LSAMP: variants seen among roughly 807,000 people sequenced by gnomAD.
The protein encoded by LSAMP is limbic system associated membrane protein, also known as limbic system-associated membrane protein.
A neutral mutation model predicts 38.6 loss-of-function variants in LSAMP; 7 were observed. The ratio of observed to expected loss-of-function variants is 0.18; its 90% confidence interval spans 0.10 to 0.34. The LOEUF is 0.34. LSAMP is among the 10% of genes least tolerant of loss of function. LSAMP has a pLI of 1.00. For missense variants in LSAMP, 313 were observed against 420.0 expected (o/e 0.75, Z 2.23); for synonymous variants, 154 against 166.8 (o/e 0.92, Z 0.59).
chr3:116,028,775 T>C (rs1940851810), intron 2 of LSAMP, among the ~76,000 whole-genome samples: 1 of 152,140 alleles, frequency 6.6e-6, no homozygotes, highest in African/African-American at 2.4e-5. Flanking sequence ...CTAGTTATAT[T>C]TTTGCAGACT....
At chr3:116,429,208 C>G (rs1192805710) in intron 1 of LSAMP, among the ~76,000 whole-genome samples, 1 of 152,150 alleles carries the variant, frequency 6.6e-6, no homozygotes, top group African/African-American at 2.4e-5. Flanking sequence ...TGGTTTCATA[C>G]TCTGATAATT....
intron 3 of LSAMP, among the ~76,000 whole-genome samples, chr3:115,914,186 C>T (rs1432994023): frequency 6.6e-6 from 1 of 152,150 alleles, no homozygotes; most frequent in Admixed American, 6.5e-5. Context: ...CTCCTCTGAG[C>T]CCTCTTTGCG....
chr3:116,344,806 C>G (rs1243932984), intron 1 of LSAMP, among the ~76,000 whole-genome samples: 1 of 152,122 alleles, frequency 6.6e-6, no homozygotes, highest in African/African-American at 2.4e-5. Context: ...CAGTCTAGCA[C>G]TGAGGTTCAA....
At chr3:116,080,618 C>T (rs1707851150) in intron 2 of LSAMP, among the ~76,000 whole-genome samples, 1 of 152,218 alleles carries the variant, frequency 6.6e-6, no homozygotes, top group Non-Finnish European at 1.5e-5. Flanking sequence ...TTCAGTTCTT[C>T]CCTTTCATTA....
intron 3 of LSAMP, among the ~76,000 whole-genome samples, chr3:115,916,583 C>G (rs1385523642): frequency 6.6e-6 from 1 of 152,164 alleles, no homozygotes; most frequent in African/African-American, 2.4e-5. Flanking sequence ...ATTTCATTCA[C>G]TCATTTATTC....
At chr3:116,137,649 C>T (rs1254848564) in intron 1 of LSAMP, among the ~76,000 whole-genome samples, 1 of 152,072 alleles carries the variant, frequency 6.6e-6, no homozygotes, top group Non-Finnish European at 1.5e-5. Flanking sequence ...CCCAGCTAAT[C>T]AATTTATTCT....
At chr3:116,052,031 G>A (rs919181846) in intron 2 of LSAMP, among the ~76,000 whole-genome samples, 4 of 152,198 alleles carry the variant, frequency 2.6e-5, no homozygotes, top group Non-Finnish European at 5.9e-5. Flanking sequence ...AAATTTAAAT[G>A]TAGAAAATTG....
intron 1 of LSAMP, among the ~76,000 whole-genome samples, chr3:116,294,602 G>T (rs543789073): frequency 4.6e-5 from 7 of 152,242 alleles, no homozygotes; most frequent in African/African-American, 1.7e-4. Flanking sequence ...ATAGTAATCA[G>T]TGTTTCCTAT....
intron 3 of LSAMP, among the ~76,000 whole-genome samples, chr3:115,970,637 T>G (rs956762372): frequency 2.0e-5 from 3 of 152,208 alleles, no homozygotes; most frequent in African/African-American, 7.2e-5. Flanking sequence ...AGACTTATTA[T>G]GTACATTTGA....
chr3:116,138,413 A>G (rs1322848290), intron 1 of LSAMP, among the ~76,000 whole-genome samples: 2 of 152,140 alleles, frequency 1.3e-5, no homozygotes, highest in Non-Finnish European at 2.9e-5. Flanking sequence ...TTAGGGAAAT[A>G]GTAGAAATAC....
chr3:116,014,359 T>A (rs1940417613), intron 3 of LSAMP, among the ~76,000 whole-genome samples: 1 of 152,160 alleles, frequency 6.6e-6, no homozygotes, highest in Admixed American at 6.5e-5. Flanking sequence ...GAGGTCAAGA[T>A]TAATCTGAGT....
chr3:116,226,109 A>T (rs963533064), intron 1 of LSAMP, among the ~76,000 whole-genome samples: 5 of 152,116 alleles, frequency 3.3e-5, no homozygotes, highest in African/African-American at 1.2e-4. Flanking sequence ...CCCAAATTCT[A>T]TTTCTAATTC....
chr3:116,143,952 A>C (rs1014582685), intron 1 of LSAMP, among the ~76,000 whole-genome samples: 2 of 151,978 alleles, frequency 1.3e-5, no homozygotes, highest in Non-Finnish European at 2.9e-5. Context: ...TTAGTGCCAT[A>C]CTAAAACATT....
At chr3:116,171,735 G>A (rs1055042965) in intron 1 of LSAMP, among the ~76,000 whole-genome samples, 1 of 152,060 alleles carries the variant, frequency 6.6e-6, no homozygotes, top group African/African-American at 2.4e-5. Context: ...ACCCTAGTAA[G>A]GTGAAGTTTT....
chr3:115,869,429 A>G (rs1935962598), intron 3 of LSAMP, among the ~76,000 whole-genome samples: 1 of 152,160 alleles, frequency 6.6e-6, no homozygotes, highest in Admixed American at 6.6e-5. Context: ...GACAACTGTT[A>G]TATGTCCAGC....
intron 1 of LSAMP, among the ~76,000 whole-genome samples, chr3:116,365,663 C>A (rs559792912): frequency 5.6e-5 from 3 of 53,502 alleles, no homozygotes; most frequent in Non-Finnish European, 9.3e-5. Flanking sequence ...CACATATACA[C>A]CATGGAATAC....
At chr3:116,310,057 T>C (rs1372648972) in intron 1 of LSAMP, among the ~76,000 whole-genome samples, 1 of 152,122 alleles carries the variant, frequency 6.6e-6, no homozygotes, top group Admixed American at 6.5e-5. Flanking sequence ...TAACTCTCAG[T>C]CCAACACACA....
At chr3:116,176,429 G>T (rs2107561983) in intron 1 of LSAMP, among the ~76,000 whole-genome samples, 1 of 152,216 alleles carries the variant, frequency 6.6e-6, no homozygotes, top group East Asian at 1.9e-4. Context: ...AGAGCAATTA[G>T]CACCATTCCA....
chr3:115,914,485 C>T (rs190492000), intron 3 of LSAMP, among the ~76,000 whole-genome samples: 2 of 152,290 alleles, frequency 1.3e-5, no homozygotes, highest in East Asian at 3.9e-4. Context: ...CTGTGCTTTC[C>T]ACCCAGTGTC....
Sources: gnomAD v4.1 joint callset for allele counts (sites outside exome capture counted in the v4.1 genomes callset) on GRCh38, gnomAD v4.1.1 for gene constraint, MANE v1.5 for transcripts, NCBI Gene and HGNC (gene_info 2026-07-23, HGNC 2026-07-21) for gene names.